The following KAZN variants were observed in gnomAD, a reference collection of about 807,000 sequenced individuals.
The protein encoded by KAZN is kazrin.
In KAZN, 40 loss-of-function variants were observed where a neutral mutation model predicts 87.4. That is an observed-to-expected ratio of 0.46 (90% CI 0.36 to 0.60). KAZN has a LOEUF of 0.60. Ranked by LOEUF, KAZN falls within the 20% of genes least tolerant of loss-of-function variation. The pLI is 0.00. For synonymous variants in KAZN, 466 were observed against 458.3 expected (o/e 1.02, Z -0.22); for missense variants, 898 against 1,073.9 (o/e 0.84, Z 2.29).
chr1:14,102,031 G>A (rs1410378242), intron 1 of KAZN, among the ~76,000 whole-genome samples: 1 of 152,000 alleles, frequency 6.6e-6, no homozygotes, highest in Non-Finnish European at 1.5e-5. Context: ...AGAAGATGAA[G>A]CTTAATTTTT....
intron 2 of KAZN, among the ~76,000 whole-genome samples, chr1:14,459,621 T>C (rs964092792): frequency 2.6e-5 from 4 of 152,120 alleles, no homozygotes; most frequent in Non-Finnish European, 5.9e-5. Context: ...ATGTCTCCCC[T>C]GGGCACAGGA....
intron 3 of KAZN, among the ~76,000 whole-genome samples, chr1:15,041,920 G>A (rs1207451063): frequency 6.6e-6 from 1 of 152,144 alleles, no homozygotes. Flanking sequence ...TGTGACATAG[G>A]GATAATCATA....
intron 2 of KAZN, among the ~76,000 whole-genome samples, chr1:15,020,146 C>T (rs752353818): frequency 3.3e-5 from 5 of 152,264 alleles, no homozygotes; most frequent in African/African-American, 1.2e-4. Context: ...TGTCTACTGA[C>T]GTCATGGGGA....
In KAZN at chr1:13,923,342, G is replaced by C. The variant is rs551699406; in HGVS notation, c.91+29586G>C. Among the ~76,000 whole-genome samples the C allele has an allele frequency of 3.3e-5, 5 of 152,170 alleles. No individual in the cohort carries two copies. In the South Asian group the frequency reaches 1.0e-3, roughly 32 times the overall value. ...TAATCCCAGCACTTTGGGAGGCTGA[G>C]GTGGGCAGATCACGAGGTCAGGAGA... is the stretch of plus-strand genomic sequence containing the variant. On this transcript the variant is annotated intron_variant, in intron 1 of 16. Transcript: ENST00000636203.
intron 2 of KAZN, among the ~76,000 whole-genome samples, chr1:14,555,939 C>G (rs562328839): frequency 4.6e-5 from 7 of 152,262 alleles, no homozygotes; most frequent in African/African-American, 1.7e-4. Context: ...TAGGTGGCCT[C>G]TGAACAGTAC....
intron 2 of KAZN, among the ~76,000 whole-genome samples, chr1:14,502,460 T>G (rs1298079668): frequency 6.6e-6 from 1 of 152,096 alleles, no homozygotes; most frequent in East Asian, 1.9e-4. Flanking sequence ...AATTTCTGGG[T>G]TTTTTTAGGT....
Position 14,973,907 on chromosome 1 carries a change from C to T in KAZN, c.418+13032C>T, listed in dbSNP as rs572060149. ...AATCTTAGTGGCATAAAGCAACCAC[C>T]GTTTTTCTTACATCTCATGATCTTG... On this transcript the variant is annotated intron_variant, in intron 2 of 14. Coordinates refer to ENST00000376030, the MANE Select transcript of KAZN (RefSeq NM_201628.3). Among the ~76,000 whole-genome samples the T allele has an allele frequency of 1.2e-4, 19 of 152,106 alleles. 1 individual carries two copies. The South Asian group carries it at 3.5e-3, about 28-fold the overall frequency.
At chr1:14,614,204 A>G (rs1038508027) in intron 1 of KAZN, among the ~76,000 whole-genome samples, 4 of 152,214 alleles carry the variant, frequency 2.6e-5, no homozygotes, top group African/African-American at 9.6e-5. Flanking sequence ...ATAATGGCCT[A>G]ATCTCTCCAG....
intron 2 of KAZN, among the ~76,000 whole-genome samples, chr1:14,199,601 T>C (rs888180929): frequency 3.9e-5 from 6 of 152,198 alleles, no homozygotes; most frequent in African/African-American, 1.4e-4. Context: ...AGCAGGCACT[T>C]GCCATGCAGT....
chr1:14,065,510 C>T (rs770802930), intron 1 of KAZN, among the ~76,000 whole-genome samples: 26 of 151,248 alleles, frequency 1.7e-4, no homozygotes, highest in Non-Finnish European at 3.5e-4. Flanking sequence ...TTTCTAAGCA[C>T]GCATAAGCTA....
intron 1 of KAZN, among the ~76,000 whole-genome samples, chr1:14,806,278 G>A (rs1193562272): frequency 6.6e-6 from 1 of 152,196 alleles, no homozygotes; most frequent in Admixed American, 6.5e-5. Flanking sequence ...ACCCCACAGG[G>A]GCACCTAGAC....
At position 14,628,551 on chromosome 1, in the gene KAZN, G is replaced by A. The variant is rs543295302; in HGVS notation, c.226+29328G>A. Among the ~76,000 whole-genome samples, 81 of 152,352 alleles carry A rather than the reference G, an allele frequency of 5.3e-4. 1 individual carries two copies. In the South Asian group the frequency reaches 0.017, roughly 31 times the overall value. On this transcript the variant is annotated intron_variant, in intron 1 of 14. Transcript: ENST00000376030. ...AAAGAGTTTTCATTTATTGTCCCAAGTAAAAGCGAAGGCATTTTATGTGGT... is the reference window on the plus strand; with the variant it reads ...AAAGAGTTTTCATTTATTGTCCCAAATAAAAGCGAAGGCATTTTATGTGGT...
chr1:14,537,745 A>T (rs1465510324), intron 2 of KAZN, among the ~76,000 whole-genome samples: 12 of 152,160 alleles, frequency 7.9e-5, no homozygotes. Flanking sequence ...CAGTTTCCCC[A>T]TCCTTCCCAG....
chr1:15,100,294 G>C (rs1042057169), intron 10 of KAZN, among the ~76,000 whole-genome samples: 1 of 152,124 alleles, frequency 6.6e-6, no homozygotes, highest in Non-Finnish European at 1.5e-5. Context: ...GGGCATGAAG[G>C]CAGGAAGGAC....
At chr1:14,922,547 A>G (rs892043545) in intron 1 of KAZN, among the ~76,000 whole-genome samples, 1 of 151,988 alleles carries the variant, frequency 6.6e-6, no homozygotes, top group African/African-American at 2.4e-5. Context: ...TTAAAAGTGC[A>G]CTTTGGGAGG....
intron 2 of KAZN, among the ~76,000 whole-genome samples, chr1:14,337,661 A>G (rs1207620030): frequency 7.2e-5 from 11 of 152,110 alleles, no homozygotes; most frequent in African/African-American, 2.7e-4. Flanking sequence ...TGGAAGGCCG[A>G]TGTGGGTGGA....
At chr1:14,336,308 T>C (rs1264367772) in intron 2 of KAZN, among the ~76,000 whole-genome samples, 1 of 152,252 alleles carries the variant, frequency 6.6e-6, no homozygotes, top group Non-Finnish European at 1.5e-5. Context: ...TTCATTCCTG[T>C]TTATGGCTGA....
intron 10 of KAZN, among the ~76,000 whole-genome samples, chr1:15,101,164 T>TTCTCTCTCTCTCTCTCTCTCTCTCTC (rs143288616): frequency 0.017 from 2,209 of 127,648 alleles, 173 homozygotes; most frequent in Non-Finnish European, 0.024. Context: ...GTCTCGGTCT[T>TTCTCTCTCTCTCTCTCTCTCTCTCTC]TCTCTCTCTC....
At chr1:14,399,878 C>T (rs1440956329) in intron 2 of KAZN, among the ~76,000 whole-genome samples, 2 of 152,204 alleles carry the variant, frequency 1.3e-5, no homozygotes, top group Non-Finnish European at 2.9e-5. Context: ...GGACCATGAA[C>T]TCCTTGAAGA....
Sources: gnomAD v4.1 joint callset for allele counts (sites outside exome capture counted in the v4.1 genomes callset) on GRCh38, gnomAD v4.1.1 for gene constraint, MANE v1.5 for transcripts, NCBI Gene and HGNC (gene_info 2026-07-23, HGNC 2026-07-21) for gene names.